TMEM192: variants seen among roughly 807,000 people sequenced by gnomAD.
TMEM192 encodes transmembrane protein 192.
TMEM192 carries 20 observed loss-of-function variants against 26.7 expected under a neutral mutation model. The ratio of observed to expected loss-of-function variants is 0.75; its 90% confidence interval spans 0.53 to 1.09. The LOEUF (loss-of-function observed/expected upper bound fraction) is 1.09, where lower values mean the gene tolerates loss of function less well. TMEM192 is among the 50% of genes least tolerant of loss of function. The pLI is 0.00. For missense variants in TMEM192, 304 were observed against 322.6 expected (o/e 0.94, Z 0.44); for synonymous variants, 124 against 121.0 (o/e 1.02, Z -0.16).
At position 165,088,619 on chromosome 4, in the gene TMEM192, TA is replaced by T. The variant is rs1560928029; in HGVS notation, c.440-18del. The T allele has an allele frequency of 6.2e-7, 1 of 1,603,766 alleles. No individual in the cohort carries two copies. Reference sequence around the variant, plus strand: ...CTGTGTTGCCTGAGGAGGAGAAACATAAAACACAGCATGTGATGAGAAATAC... The same window carrying T: ...CTGTGTTGCCTGAGGAGGAGAAACATAAACACAGCATGTGATGAGAAATAC... On this transcript the variant is annotated intron_variant, in intron 3 of 5. Transcript: ENST00000306480.
intron 1 of TMEM192, among the ~76,000 whole-genome samples, chr4:165,110,814 G>A (rs1436110259): frequency 6.6e-6 from 1 of 152,198 alleles, no homozygotes; most frequent in East Asian, 1.9e-4. Flanking sequence ...TCCTTTCAGA[G>A]GCCTTGGCAT....
intron 1 of TMEM192, among the ~76,000 whole-genome samples, chr4:165,112,113 G>A (rs958043398): frequency 6.6e-6 from 1 of 152,094 alleles, no homozygotes; most frequent in Non-Finnish European, 1.5e-5. Flanking sequence ...TGGTAATCTG[G>A]TTTGAATCTA....
chr4:165,103,609 G>A (rs529514028), intron 1 of TMEM192, among the ~76,000 whole-genome samples: 32 of 117,486 alleles, frequency 2.7e-4, no homozygotes, highest in African/African-American at 8.1e-4. Context: ...CCACCTCCCG[G>A]GTTCCAGCAA....
At chr4:165,092,926 A>T (rs1197758760) in intron 3 of TMEM192, among the ~76,000 whole-genome samples, 2 of 151,696 alleles carry the variant, frequency 1.3e-5, no homozygotes, top group African/African-American at 4.8e-5. Context: ...AATAAATAAA[A>T]AAAGTTTTGA....
At chr4:165,094,499 A>G (rs1159410969) in intron 3 of TMEM192, among the ~76,000 whole-genome samples, 1 of 152,130 alleles carries the variant, frequency 6.6e-6, no homozygotes, top group East Asian at 1.9e-4. Context: ...CTCTACTAAA[A>G]AAACAAAATT....
intron 1 of TMEM192, among the ~76,000 whole-genome samples, chr4:165,107,536 A>ACGGGG (rs1735192428): frequency 1.3e-5 from 2 of 150,706 alleles, no homozygotes; most frequent in South Asian, 2.1e-4. Flanking sequence ...TAAAGGTGAG[A>ACGGGG]TTTCACCATG....
chr4:165,077,269 T>A lies in TMEM192; in HGVS notation c.*2389A>T, dbSNP rs1347137385. On this transcript the variant is annotated 3_prime_UTR_variant, in exon 6 of 6. Transcript: ENST00000306480. ...GTTCCTTGTAAACCAAAGTTCATCC[T>A]ATAAATCTCAGATACTGACTATAGA... 6.6e-6 allele frequency: 1 copy of A among 152,234 alleles called. No homozygotes were observed. Among genetic ancestry groups the A allele is most frequent in the Non-Finnish European group, 1.5e-5 (1 of 68,044 alleles). 9.4% of individuals were successfully genotyped at this position (152,234 alleles called of 1,614,324 possible).
At chr4:165,106,607 T>C (rs1422099886) in intron 1 of TMEM192, among the ~76,000 whole-genome samples, 2 of 152,204 alleles carry the variant, frequency 1.3e-5, no homozygotes, top group East Asian at 3.9e-4. Context: ...GGCTCTCTCT[T>C]TCCTGCGTCA....
At chr4:165,094,539 C>A (rs923667346) in intron 3 of TMEM192, among the ~76,000 whole-genome samples, 2 of 151,972 alleles carry the variant, frequency 1.3e-5, no homozygotes, top group African/African-American at 4.8e-5. Context: ...TGCCTGTAAT[C>A]CCAGCTACTC....
intron 3 of TMEM192, among the ~76,000 whole-genome samples, chr4:165,096,625 T>A (rs1242570527): frequency 7.7e-6 from 1 of 130,590 alleles, no homozygotes; most frequent in African/African-American, 3.0e-5. Context: ...CTCCATAGAT[T>A]TATCTTTTTT....
chr4:165,084,458 G>A (rs763893748), intron 5 of TMEM192, among the ~76,000 whole-genome samples: 3 of 151,066 alleles, frequency 2.0e-5, no homozygotes, highest in Non-Finnish European at 3.0e-5. Flanking sequence ...CTCGGCCTCC[G>A]AAAGTGCTGG....
chr4:165,100,295 G>C (rs1401402728), intron 3 of TMEM192, among the ~76,000 whole-genome samples: 17 of 151,860 alleles, frequency 1.1e-4, no homozygotes, highest in Admixed American at 1.1e-3. Context: ...GAGTAGCTGG[G>C]ATTACAGGCA....
In TMEM192 at chr4:165,112,781, C is replaced by T; in HGVS notation, c.-8G>A. On this transcript the variant is annotated 5_prime_UTR_variant, in exon 1 of 6. Coordinates refer to ENST00000306480, the MANE Select transcript of TMEM192 (RefSeq NM_001100389.2). ...CCTGCCCCCCGCCGCCATTTCCCGA[C>T]GCCGGAGGCCGAAGCCCTGGCCAGC... 2 of 1,606,866 alleles carry T rather than the reference C, an allele frequency of 1.2e-6. No individual in the cohort carries two copies. Among genetic ancestry groups the T allele is most frequent in the Non-Finnish European group, 1.7e-6 (2 of 1,178,912 alleles).
At chr4:165,095,167 A>G (rs1411188593) in intron 3 of TMEM192, among the ~76,000 whole-genome samples, 2 of 152,148 alleles carry the variant, frequency 1.3e-5, no homozygotes, top group Non-Finnish European at 2.9e-5. Flanking sequence ...CTCCTACACT[A>G]TAAGATGGGG....
chr4:165,084,726 T>C (rs1423267370), intron 5 of TMEM192, among the ~76,000 whole-genome samples: 1 of 149,740 alleles, frequency 6.7e-6, no homozygotes, highest in Non-Finnish European at 1.5e-5. Flanking sequence ...CTGGCCAACA[T>C]GGTGAAACCT....
At chr4:165,093,728 A>C (rs1195446137) in intron 3 of TMEM192, among the ~76,000 whole-genome samples, 2 of 152,098 alleles carry the variant, frequency 1.3e-5, no homozygotes, top group Admixed American at 6.6e-5. Context: ...ATACAGTAAT[A>C]GTCTAATAAT....
At chr4:165,095,513 GA>G (rs1465048188) in intron 3 of TMEM192, among the ~76,000 whole-genome samples, 1 of 152,132 alleles carries the variant, frequency 6.6e-6, no homozygotes, top group Non-Finnish European at 1.5e-5. Flanking sequence ...AGGTGAGCAG[GA>G]AGGACACAAT....
intron 4 of TMEM192, among the ~76,000 whole-genome samples, chr4:165,087,843 A>C (rs1156494608): frequency 6.6e-6 from 1 of 152,158 alleles, no homozygotes; most frequent in Non-Finnish European, 1.5e-5. Context: ...CTATTTCTTA[A>C]TTTTTAATTT....
Position 165,102,984 on chromosome 4 carries a change from G to A in TMEM192, c.140C>T (p.Thr47Ile), listed in dbSNP as rs751675213. ...HFRPRFHPLP[T>I]VIIVNLLWFI... ...CCACAGAAGATTCACTATGATGACT[G>A]TAGGAAGAGGATGGAATCGGGGTCT... is the stretch of plus-strand genomic sequence containing the variant. The change falls in exon 2 of 6, where the codon ACA (threonine) becomes ATA (isoleucine). Residue 47 changes from threonine (T) to isoleucine (I), a missense_variant. Thr to Ile is a moderately conservative substitution (Grantham distance 89). Coordinates refer to ENST00000306480, the MANE Select transcript of TMEM192 (RefSeq NM_001100389.2). The A allele has an allele frequency of 1.9e-6, 3 of 1,613,064 alleles. No individual in the cohort carries two copies. Among genetic ancestry groups the A allele is most frequent in the Non-Finnish European group, 2.5e-6 (3 of 1,179,570 alleles).
Sources: gnomAD v4.1 joint callset for allele counts (sites outside exome capture counted in the v4.1 genomes callset) on GRCh38, gnomAD v4.1.1 for gene constraint, MANE v1.5 for transcripts, NCBI Gene and HGNC (gene_info 2026-07-23, HGNC 2026-07-21) for gene names.